The following HNF4G variants were observed in gnomAD, a reference collection of about 807,000 sequenced individuals.
HNF4G encodes the protein hepatocyte nuclear factor 4-gamma.
In HNF4G, 21 loss-of-function variants were observed where a neutral mutation model predicts 50.9. That is an observed-to-expected ratio of 0.41 (90% CI 0.29 to 0.59). The LOEUF (loss-of-function observed/expected upper bound fraction) is 0.59, where lower values mean the gene tolerates loss of function less well. Among genes scored for constraint, HNF4G ranks in the 20% least tolerant of loss-of-function variants. HNF4G has a pLI of 0.26. For missense variants in HNF4G, 527 were observed against 559.4 expected (o/e 0.94, Z 0.58); for synonymous variants, 198 against 185.6 (o/e 1.07, Z -0.54).
At chr8:75,472,003 A>C (rs2130634738) in intron 1 of HNF4G, among the ~76,000 whole-genome samples, 1 of 152,296 alleles carries the variant, frequency 6.6e-6, no homozygotes. Flanking sequence ...TGGGTATAAC[A>C]ATACCTGTCT....
intron 2 of HNF4G, among the ~76,000 whole-genome samples, chr8:75,497,826 C>T (rs1812818096): frequency 1.3e-5 from 2 of 151,926 alleles, no homozygotes; most frequent in African/African-American, 4.8e-5. Flanking sequence ...AGAAACTAAA[C>T]TTAAATTGCA....
At chr8:75,408,384 A>G (rs535816952) in intron 1 of HNF4G, among the ~76,000 whole-genome samples, 7 of 152,194 alleles carry the variant, frequency 4.6e-5, no homozygotes, top group African/African-American at 1.7e-4. Flanking sequence ...GGCCTGGGGC[A>G]AGGCCAGGAC....
intron 2 of HNF4G, among the ~76,000 whole-genome samples, chr8:75,525,961 A>G (rs1359849525): frequency 6.6e-6 from 1 of 152,140 alleles, no homozygotes; most frequent in East Asian, 1.9e-4. Flanking sequence ...GAAGCATATA[A>G]TTTTAAATAA....
chr8:75,463,849 A>C (rs1005434159), intron 1 of HNF4G, among the ~76,000 whole-genome samples: 5 of 147,766 alleles, frequency 3.4e-5, no homozygotes, highest in Non-Finnish European at 5.9e-5. Flanking sequence ...ATCTTGGCTC[A>C]CCACACTCTC....
In HNF4G at chr8:75,558,547, T is replaced by C; in HGVS notation, c.763T>C (p.Cys255Arg). The change falls in exon 7 of 10, where the codon TGT (cysteine) becomes CGT (arginine). Residue 255 changes from cysteine (C) to arginine (R), a missense_variant. This residue lies in a region of HNF4G where 308 missense variants were observed against 301.5 expected (regional missense o/e 1.02). Transcript: ENST00000396423. ...GNNYVIHRNS[C>R]EVEISRVANR... ...CAACTATGTTATTCACCGCAACAGC[T>C]GTGAAGTTGAGATTAGCCGTGTGGC... The C allele has an allele frequency of 6.2e-7, 1 of 1,613,480 alleles. No individual in the cohort carries two copies.
At chr8:75,457,187 A>G (rs1162598382) in intron 1 of HNF4G, among the ~76,000 whole-genome samples, 2 of 152,224 alleles carry the variant, frequency 1.3e-5, no homozygotes, top group Non-Finnish European at 2.9e-5. Context: ...TTATAGCTGT[A>G]GACTTTAATC....
chr8:75,441,552 C>A (rs1022629961), intron 1 of HNF4G, among the ~76,000 whole-genome samples: 5 of 152,120 alleles, frequency 3.3e-5, no homozygotes, highest in African/African-American at 7.2e-5. Flanking sequence ...GCCTTTATAA[C>A]ACATTTTTAA....
At chr8:75,459,383 C>A (rs559461186) in intron 1 of HNF4G, among the ~76,000 whole-genome samples, 2 of 152,088 alleles carry the variant, frequency 1.3e-5, no homozygotes, top group Non-Finnish European at 2.9e-5. Context: ...TGCCTAAATT[C>A]TTCTCATTAT....
chr8:75,506,651 C>G (rs1300687135), intron 2 of HNF4G, among the ~76,000 whole-genome samples: 1 of 152,180 alleles, frequency 6.6e-6, no homozygotes, highest in African/African-American at 2.4e-5. Context: ...AACTGGCTCA[C>G]TAACATTTAA....
chr8:75,512,059 C>G (rs943699557), intron 2 of HNF4G, among the ~76,000 whole-genome samples: 2 of 151,848 alleles, frequency 1.3e-5, no homozygotes, highest in Non-Finnish European at 2.9e-5. Context: ...CTAGGAAATT[C>G]GTGGAATGAT....
intron 9 of HNF4G, 105 bp downstream of exon 9, chr8:75,560,571 G>A (rs1807281822): frequency 9.4e-7 from 1 of 1,067,048 alleles, no homozygotes; most frequent in South Asian, 1.5e-5. Context: ...CAAAAACTTG[G>A]TGTAATTTCC....
intron 2 of HNF4G, among the ~76,000 whole-genome samples, chr8:75,497,595 A>G (rs1812806357): frequency 6.6e-6 from 1 of 151,870 alleles, no homozygotes; most frequent in Non-Finnish European, 1.5e-5. Context: ...GAGGCAGGAG[A>G]ATTGCTTGAA....
chr8:75,444,036 G>A (rs565830380), intron 1 of HNF4G, among the ~76,000 whole-genome samples: 25 of 152,166 alleles, frequency 1.6e-4, no homozygotes, highest in Admixed American at 1.0e-3. Flanking sequence ...GAGAAAGGTC[G>A]GGTTACCCTC....
chr8:75,461,922 A>G (rs867995607), intron 1 of HNF4G, among the ~76,000 whole-genome samples: 8 of 130,380 alleles, frequency 6.1e-5, no homozygotes, highest in African/African-American at 2.5e-4. Context: ...ATATATATAT[A>G]TATATATTTT....
intron 1 of HNF4G, among the ~76,000 whole-genome samples, chr8:75,435,999 A>G (rs1330037311): frequency 6.6e-6 from 1 of 152,224 alleles, no homozygotes; most frequent in Non-Finnish European, 1.5e-5. Context: ...TATGGCATTC[A>G]TGTGCATTTG....
At chr8:75,481,901 C>A (rs1812389333) in intron 1 of HNF4G, among the ~76,000 whole-genome samples, 1 of 152,066 alleles carries the variant, frequency 6.6e-6, no homozygotes, top group Non-Finnish European at 1.5e-5. Context: ...ATACCCTGTG[C>A]CTGTCTTCAT....
At chr8:75,511,846 G>A (rs1420018881) in intron 2 of HNF4G, among the ~76,000 whole-genome samples, 1 of 152,212 alleles carries the variant, frequency 6.6e-6, no homozygotes, top group Non-Finnish European at 1.5e-5. Flanking sequence ...CCAGAGTGCT[G>A]GGATTACAGG....
chr8:75,428,973 A>G (rs1484857054), intron 1 of HNF4G, among the ~76,000 whole-genome samples: 1 of 152,198 alleles, frequency 6.6e-6, no homozygotes, highest in Non-Finnish European at 1.5e-5. Context: ...GCACCAGATC[A>G]TGATAGCTTA....
At chr8:75,503,494 G>A (rs1812986321) in intron 2 of HNF4G, among the ~76,000 whole-genome samples, 1 of 152,184 alleles carries the variant, frequency 6.6e-6, no homozygotes, top group Non-Finnish European at 1.5e-5. Context: ...TCTTACAACA[G>A]CTTCTGGTCT....
Sources: gnomAD v4.1 joint callset for allele counts (sites outside exome capture counted in the v4.1 genomes callset) on GRCh38, gnomAD v4.1.1 for gene constraint, gnomAD v4.1.1 regional missense constraint, MANE v1.5 for transcripts, NCBI Gene and HGNC (gene_info 2026-07-23, HGNC 2026-07-21) for gene names.